CLN5: variants seen among roughly 807,000 people sequenced by gnomAD.
CLN5 encodes the protein CLN5 lysosomal BMP synthase.
Under a neutral mutation model 36.7 loss-of-function variants are expected in CLN5, and 34 were observed. That is an observed-to-expected ratio of 0.93 (90% CI 0.71 to 1.23). The LOEUF is 1.23. Ranked by LOEUF, CLN5 falls within the 50% of genes most tolerant of loss-of-function variation. The pLI is 0.00. For synonymous variants in CLN5, 151 were observed against 155.1 expected (o/e 0.97, Z 0.20); for missense variants, 427 against 439.4 (o/e 0.97, Z 0.25).
At chr13:76,995,002 G>C in intron 1 of CLN5, 61 bp from the exon 2 acceptor site, 1 of 1,512,098 alleles carries the variant, frequency 6.6e-7, no homozygotes, top group Non-Finnish European at 9.1e-7. Context: ...GATTCTAAAA[G>C]ACGTGAGAAG....
chr13:76,998,533 A>T (rs940372495), intron 3 of CLN5: 3 of 152,216 alleles, frequency 2.0e-5, no homozygotes, highest in African/African-American at 7.2e-5. Context: ...TATTCAGTGA[A>T]CCCCAGGACT....
In CLN5 at chr13:77,004,126, G is replaced by A. The variant is rs2034409072; in HGVS notation, c.*3157G>A. On this transcript the variant is annotated 3_prime_UTR_variant, in exon 4 of 4. Coordinates refer to ENST00000377453, the MANE Select transcript of CLN5 (RefSeq NM_006493.4). ...GTGAAGAAACCTACTAACTTTATTT[G>A]GAACCCTCAATATTGGTGGCTCCTT... is the stretch of plus-strand genomic sequence containing the variant. 1.3e-5 allele frequency: 2 copies of A among 152,052 alleles called. No individual in the cohort carries two copies. The highest frequency in any genetic ancestry group is 4.1e-4 in the South Asian group (2 of 4,824). The allele number at this position is 152,052 out of a possible 1,614,324, so 9.4% of individuals were successfully genotyped here. A position where few individuals can be genotyped will look rare whatever the true frequency, so the allele number is the denominator to read the frequency against.
At position 76,996,114 on chromosome 13, in the gene CLN5, A is replaced by G. The variant is rs1477431624; in HGVS notation, c.552A>G (p.Val184=). 6.2e-7 allele frequency: 1 copy of G among 1,613,228 alleles called. No homozygotes were observed. Among genetic ancestry groups the G allele is most frequent in the East Asian group, 2.2e-5 (1 of 44,904 alleles). Residue 184 remains valine, a synonymous_variant, in exon 3 of 4, where the codon GTA becomes GTG. Coordinates refer to ENST00000377453, the MANE Select transcript of CLN5 (RefSeq NM_006493.4). ...AGGAAAATGGGACATTAGTTCAAGTAGCAACTATATCAGGTAAGTTGTGAA... is the reference window on the plus strand; with the variant it reads ...AGGAAAATGGGACATTAGTTCAAGTGGCAACTATATCAGGTAAGTTGTGAA... The part of the protein sequence containing the change: ...HWKENGTLVQ[V]ATISGNMFNQ...
At position 77,001,152 on chromosome 13, in the gene CLN5, A is replaced by C. The variant is rs1400787342; in HGVS notation, c.*183A>C. The stretch of plus-strand genomic sequence containing the variant: ...CTCTTGTAAAGAAGCTGAAATTCGT[A>C]CTATATTGGCCAAAGTGAGCGAGTT... On this transcript the variant is annotated 3_prime_UTR_variant, in exon 4 of 4. Transcript: ENST00000377453. 1.8e-6 allele frequency: 1 copy of C among 551,760 alleles called. No homozygotes were observed. Among genetic ancestry groups the C allele is most frequent in the Non-Finnish European group, 3.1e-6 (1 of 318,624 alleles). The allele number at this position is 551,760 out of a possible 1,614,324, so 34.2% of individuals were successfully genotyped here.
chr13:76,996,011 G>A lies in CLN5; in HGVS notation c.449G>A (p.Arg150Gln), dbSNP rs1014000261. ...GGCAACTGTACATTTCCCCATCTCC[G>A]ACCTGAAATGGATGCCCCTTTCTGG... ...QLGNCTFPHL[R>Q]PEMDAPFWCN... Residue 150 changes from arginine to glutamine, a missense_variant, in exon 3 of 4, where the codon CGA (arginine) becomes CAA (glutamine). By Grantham distance (43) the Arg-to-Gln change is conservative. Coordinates refer to ENST00000377453, the MANE Select transcript of CLN5 (RefSeq NM_006493.4). 3.1e-6 allele frequency: 5 copies of A among 1,614,174 alleles called. No homozygotes were observed. Among genetic ancestry groups the A allele is most frequent in the South Asian group, 2.2e-5 (2 of 91,086 alleles).
At chr13:76,999,023 CATTT>C (rs1442209831) in intron 3 of CLN5, 2 of 152,116 alleles carry the variant, frequency 1.3e-5, no homozygotes, top group Non-Finnish European at 2.9e-5. Flanking sequence ...TCTTTTAAGT[CATTT>C]ATTTGCCTTG....
chr13:76,992,622 C>T lies in CLN5; in HGVS notation c.173+351C>T, dbSNP rs2034200535. The T allele has an allele frequency of 3.4e-5, 13 of 388,020 alleles. 1 individual carries two copies. Among genetic ancestry groups the T allele is most frequent in the Middle Eastern group, 6.7e-4 (1 of 1,488 alleles). 24.0% of individuals were successfully genotyped at this position (388,020 alleles called of 1,614,324 possible). A position where few individuals can be genotyped will look rare whatever the true frequency, so the allele number is the denominator to read the frequency against. On this transcript the variant is annotated intron_variant, in intron 1 of 3. Transcript: ENST00000377453. ...AGTAGTTTAAAAACACTGTCTATCG[C>T]ATTTATTTATATCATGCACTGTCGT...
intron 3 of CLN5, 53 bp from the exon 4 acceptor site, chr13:77,000,394 AAAAAAAAAATT>A: frequency 6.7e-7 from 1 of 1,502,176 alleles, no homozygotes; most frequent in Non-Finnish European, 9.0e-7. Context: ...AAAAAAAAAA[AAAAAAAAAATT>A]AACATGATTA....
At position 77,000,784 on chromosome 13, in the gene CLN5, C is replaced by T. The variant is rs557876713; in HGVS notation, c.892C>T (p.His298Tyr). Reference sequence around the variant, plus strand: ...AAGATTTTATTACCCCTTCAAACCACATTTGCCAACTAAAGAATTTCTGTT... The same window carrying T: ...AAGATTTTATTACCCCTTCAAACCATATTTGCCAACTAAAGAATTTCTGTT... Reference protein sequence around the residue: ...IKRFYYPFKPHLPTKEFLLSL... With the variant: ...IKRFYYPFKPYLPTKEFLLSL... The change falls in exon 4 of 4, where the codon CAT becomes TAT. Residue 298 changes from histidine (H) to tyrosine (Y), a missense_variant. Coordinates refer to ENST00000377453, the MANE Select transcript of CLN5 (RefSeq NM_006493.4). 4.3e-6 allele frequency: 7 copies of T among 1,612,748 alleles called. No individual in the cohort carries two copies. The African/African-American group carries it at 8.0e-5, about 18-fold the overall frequency.
chr13:77,000,653 C>G lies in CLN5; in HGVS notation c.761C>G (p.Thr254Ser), dbSNP rs398124228. 5 of 1,613,990 alleles carry G rather than the reference C, an allele frequency of 3.1e-6. No individual in the cohort carries two copies. Among genetic ancestry groups the G allele is most frequent in the Non-Finnish European group, 4.2e-6 (5 of 1,179,940 alleles). Reference protein sequence around the residue: ...EFGAEFKNIETNYTRIFLYSG... With the variant: ...EFGAEFKNIESNYTRIFLYSG... ...GGAGCAGAGTTCAAGAACATAGAAA[C>G]CAACTATACAAGAATATTTCTTTAC... Residue 254 changes from threonine to serine, a missense_variant, in exon 4 of 4, where the codon ACC becomes AGC. Thr to Ser is a moderately conservative substitution (Grantham distance 58). Coordinates refer to ENST00000377453, the MANE Select transcript of CLN5 (RefSeq NM_006493.4).
intron 2 of CLN5, 120 bp downstream of exon 2, chr13:76,995,348 A>C (rs141116262): frequency 1.9e-5 from 18 of 930,028 alleles, no homozygotes; most frequent in Middle Eastern, 3.2e-4. Context: ...TGTTTGTCTT[A>C]GTACATTTAA....
rs1043835725 is a variant in CLN5 at position 77,002,349 on chromosome 13, A to G, written c.*1380A>G. On this transcript the variant is annotated 3_prime_UTR_variant, in exon 4 of 4. Transcript: ENST00000377453. Reference sequence around the variant, plus strand: ...TTCTGCTGACTGAATTGGATGCACTATAGTACAGGCTTTTAGCACCGAAGT... The same window carrying G: ...TTCTGCTGACTGAATTGGATGCACTGTAGTACAGGCTTTTAGCACCGAAGT... The G allele has an allele frequency of 6.6e-6, 1 of 152,254 alleles. No individual in the cohort carries two copies. Among genetic ancestry groups the G allele is most frequent in the Non-Finnish European group, 1.5e-5 (1 of 68,044 alleles). The allele number at this position is 152,254 out of a possible 1,614,324, so 9.4% of individuals were successfully genotyped here.
rs747775956 is a variant in CLN5 at position 76,995,157 on chromosome 13, G to A, written c.268G>A (p.Asp90Asn). Reference sequence around the variant, plus strand: ...ACCTATCCCAGTTATGGAGGGTGATGATGACATTGAAGTTTTTCGATTACA... The same window carrying A: ...ACCTATCCCAGTTATGGAGGGTGATAATGACATTGAAGTTTTTCGATTACA... ...GSPIPVMEGD[D>N]DIEVFRLQAP... Residue 90 changes from aspartate (D) to asparagine (N), a missense_variant, in exon 2 of 4, where the codon GAT becomes AAT. Asp to Asn is a conservative substitution (Grantham distance 23, BLOSUM62 1). Transcript: ENST00000377453. 2 of 1,613,978 alleles carry A rather than the reference G, an allele frequency of 1.2e-6. No individual in the cohort carries two copies. The highest frequency in any genetic ancestry group is 8.5e-7 in the Non-Finnish European group (1 of 1,179,978).
chr13:76,996,166 C>A lies in CLN5; in HGVS notation c.565+39C>A, dbSNP rs191152386. On this transcript the variant is annotated intron_variant, in intron 3 of 3. Coordinates refer to ENST00000377453, the MANE Select transcript of CLN5 (RefSeq NM_006493.4). ...ATATAGCAATATTTGATCATTGCAT[C>A]AAAAACCAAATGAAAGAAATTGTTA... is the stretch of plus-strand genomic sequence containing the variant. 28 of 1,470,810 alleles carry A rather than the reference C, an allele frequency of 1.9e-5. No homozygotes were observed. In the Admixed American group the frequency reaches 3.3e-4, roughly 18 times the overall value. 91.1% of individuals were successfully genotyped at this position (1,470,810 alleles called of 1,614,324 possible). A position where few individuals can be genotyped will look rare whatever the true frequency, so the allele number is the denominator to read the frequency against.
chr13:77,000,493 CA>C lies in CLN5; in HGVS notation c.602del (p.Gln201ArgfsTer14). ...MFNQMAKWVKQDNETGIYYET... is the reference protein window; with the variant it reads ...MFNQMAKWVKXDNETGIYYET... The stretch of plus-strand genomic sequence containing the variant: ...CAACCAAATGGCAAAGTGGGTGAAA[CA>C]GGACAATGAAACAGGAATTTATTAT... On this transcript the variant is annotated frameshift_variant, in exon 4 of 4. Coordinates refer to ENST00000377453, the MANE Select transcript of CLN5 (RefSeq NM_006493.4). LOFTEE classifies it high-confidence loss of function. 1 of 1,611,862 alleles carries C rather than the reference CA, an allele frequency of 6.2e-7. No individual in the cohort carries two copies. Among genetic ancestry groups the C allele is most frequent in the Non-Finnish European group, 8.5e-7 (1 of 1,179,464 alleles).
intron 3 of CLN5, chr13:76,999,004 G>C (rs1020544590): frequency 6.6e-6 from 1 of 151,886 alleles, no homozygotes; most frequent in Non-Finnish European, 1.5e-5. Flanking sequence ...AAATATGCCA[G>C]TACTTAAATC....
chr13:77,003,906 C>T lies in CLN5; in HGVS notation c.*2937C>T, dbSNP rs959578392. ...AGGTTCCCACGAGCCAAGATCGCACCACTGCACTCCAGCCTGGCAACAGAG... is the reference window on the plus strand; with the variant it reads ...AGGTTCCCACGAGCCAAGATCGCACTACTGCACTCCAGCCTGGCAACAGAG... On this transcript the variant is annotated 3_prime_UTR_variant, in exon 4 of 4. Transcript: ENST00000377453. The T allele has an allele frequency of 2.0e-5, 3 of 152,206 alleles. No individual in the cohort carries two copies. The highest frequency in any genetic ancestry group is 7.2e-5 in the African/African-American group (3 of 41,438). 9.4% of individuals were successfully genotyped at this position (152,206 alleles called of 1,614,324 possible).
At position 76,996,294 on chromosome 13, in the gene CLN5, T is replaced by C. The variant is rs1483596925; in HGVS notation, c.565+167T>C. 1.8e-5 allele frequency: 11 copies of C among 616,926 alleles called. No homozygotes were observed. In the Admixed American group the frequency reaches 3.2e-4, roughly 18 times the overall value. The allele number at this position is 616,926 out of a possible 1,614,324, so 38.2% of individuals were successfully genotyped here. A position where few individuals can be genotyped will look rare whatever the true frequency, so the allele number is the denominator to read the frequency against. On this transcript the variant is annotated intron_variant, in intron 3 of 3. Coordinates refer to ENST00000377453, the MANE Select transcript of CLN5 (RefSeq NM_006493.4). ...GGGAATTTTTTTCATCTCTTATTTG[T>C]ATTTTTTATTTATTTTATTTGAATA...
At chr13:76,997,256 C>G (rs1164556498) in intron 3 of CLN5, 2 of 152,192 alleles carry the variant, frequency 1.3e-5, no homozygotes, top group Non-Finnish European at 2.9e-5. Context: ...AAGCGATTCT[C>G]CAGCCTTAGC....
Sources: allele counts gnomAD v4.1 joint callset, GRCh38; gene constraint gnomAD v4.1.1; transcripts MANE v1.5; gene names NCBI Gene and HGNC (gene_info 2026-07-23, HGNC 2026-07-21).